FREM2: variants seen among roughly 807,000 people sequenced by gnomAD.
FREM2 encodes FRAS1 related extracellular matrix 2, also known as FRAS1-related extracellular matrix protein 2.
Under a neutral mutation model 219.9 loss-of-function variants are expected in FREM2, and 119 were observed. That is an observed-to-expected ratio of 0.54 (90% CI 0.47 to 0.63). FREM2 has a LOEUF of 0.63. Ranked by LOEUF, FREM2 falls within the 30% of genes least tolerant of loss-of-function variation. FREM2 has a pLI of 0.00. For missense variants in FREM2, 4,030 were observed against 3,993.6 expected, an observed-to-expected ratio of 1.01 and a Z score of -0.25; for synonymous variants, 1,562 against 1,522.8, an observed-to-expected ratio of 1.03 and a Z score of -0.60.
chr13:38,851,887 C>T lies in FREM2; in HGVS notation c.6925+19C>T, dbSNP rs369792264. On this transcript the variant is annotated intron_variant, in intron 11 of 23. Coordinates refer to ENST00000280481, the MANE Select transcript of FREM2 (RefSeq NM_207361.6). ...TCAGAAGGTATGGGGCTCCCAGGGCCTGTCTCCTGATGGATCATGCCAACT... is the reference window on the plus strand; with the variant it reads ...TCAGAAGGTATGGGGCTCCCAGGGCTTGTCTCCTGATGGATCATGCCAACT... 7 of 1,606,794 alleles carry T rather than the reference C, an allele frequency of 4.4e-6. No homozygotes were observed. The highest frequency in any genetic ancestry group is 1.1e-5 in the South Asian group (1 of 90,904).
rs977586153 is a variant in FREM2 at position 38,687,321 on chromosome 13, T to C, written c.-24T>C. On this transcript the variant is annotated 5_prime_UTR_variant, in exon 1 of 24. Coordinates refer to ENST00000280481, the MANE Select transcript of FREM2 (RefSeq NM_207361.6). ...GACTTCGCATGCTCTCAGGCTGACC[T>C]GTCCAAGCCCGAACACCGGGACCAT... 9 of 1,581,740 alleles carry C rather than the reference T, an allele frequency of 5.7e-6. No individual in the cohort carries two copies. The highest frequency in any genetic ancestry group is 7.7e-6 in the Non-Finnish European group (9 of 1,163,868).
In FREM2 at chr13:38,859,354, A is replaced by G; in HGVS notation, c.7283A>G (p.Asp2428Gly). ...ATCTGTGCAAGTGAGAACATCAATG[A>G]CACTTTGACGCGGTACCGGTGGCTG... ...GSICASENINDTLTRYRWLIS... is the reference protein window; with the variant it reads ...GSICASENINGTLTRYRWLIS... The change falls in exon 14 of 24, where the codon GAC (aspartate) becomes GGC (glycine). Residue 2428 changes from aspartate (D) to glycine (G), a missense_variant. By Grantham distance (94) the Asp-to-Gly change is moderately conservative. Around this residue, in one of 2 missense-constraint regions of FREM2, gnomAD observed 928 missense variants for 1,042.9 expected, o/e 0.89. Coordinates refer to ENST00000280481, the MANE Select transcript of FREM2 (RefSeq NM_207361.6). 1 of 1,614,152 alleles carries G rather than the reference A, an allele frequency of 6.2e-7. No homozygotes were observed. The highest frequency in any genetic ancestry group is 8.5e-7 in the Non-Finnish European group (1 of 1,180,032).
Position 38,688,728 on chromosome 13 carries a change from G to T in FREM2, c.1384G>T (p.Gly462Cys). The T allele has an allele frequency of 6.2e-7, 1 of 1,614,028 alleles. No homozygotes were observed. Among genetic ancestry groups the T allele is most frequent in the Non-Finnish European group, 8.5e-7 (1 of 1,179,934 alleles). Residue 462 changes from glycine to cysteine, a missense_variant, in exon 1 of 24, where the codon GGC becomes TGC. By Grantham distance (159) the Gly-to-Cys change is radical (BLOSUM62 -3). Around this residue, in one of 2 missense-constraint regions of FREM2, gnomAD observed 3,102 missense variants for 2,950.7 expected, o/e 1.05. Coordinates refer to ENST00000280481, the MANE Select transcript of FREM2 (RefSeq NM_207361.6). ...GQSRPLTGPA[G>C]SGPQNLVISD... ...GTCTCGGCCCCTCACAGGCCCTGCA[G>T]GCAGTGGTCCGCAAAACTTGGTCAT...
intron 11 of FREM2, among the ~76,000 whole-genome samples, chr13:38,854,709 A>G (rs1264685283): frequency 6.6e-6 from 1 of 152,152 alleles, no homozygotes; most frequent in African/African-American, 2.4e-5. Flanking sequence ...GGCTGATAGG[A>G]ATAGTTGCTG....
In FREM2 at chr13:38,884,258, CT is replaced by C. The variant is rs1181041455; in HGVS notation, c.*3475del. The stretch of plus-strand genomic sequence containing the variant: ...TTATCAAGTCATCTTACCTCTAATT[CT>C]TTTCCAGTGTGCCAACTCCAAAGTC... On this transcript the variant is annotated 3_prime_UTR_variant, in exon 24 of 24. Coordinates refer to ENST00000280481, the MANE Select transcript of FREM2 (RefSeq NM_207361.6). 6.6e-6 allele frequency: 1 copy of C among 152,178 alleles called. No homozygotes were observed. The highest frequency in any genetic ancestry group is 1.5e-5 in the Non-Finnish European group (1 of 68,024). The allele number at this position is 152,178 out of a possible 1,614,324, so 9.4% of individuals were successfully genotyped here. A position where few individuals can be genotyped will look rare whatever the true frequency, so the allele number is the denominator to read the frequency against.
chr13:38,779,707 A>G (rs917325838), intron 4 of FREM2, among the ~76,000 whole-genome samples: 2 of 152,110 alleles, frequency 1.3e-5, no homozygotes, highest in Non-Finnish European at 2.9e-5. Context: ...TCTTAAACCT[A>G]CTTATTCAGG....
intron 6 of FREM2, among the ~76,000 whole-genome samples, chr13:38,823,714 C>T (rs756752418): frequency 1.5e-4 from 23 of 152,010 alleles, no homozygotes; most frequent in Non-Finnish European, 2.8e-4. Context: ...TGAGCACTTT[C>T]CATGTGCAGG....
At chr13:38,791,584 A>G (rs1874562982) in intron 6 of FREM2, among the ~76,000 whole-genome samples, 1 of 152,216 alleles carries the variant, frequency 6.6e-6, no homozygotes, top group Non-Finnish European at 1.5e-5. Context: ...CTGGGGCAGC[A>G]GGAGAGAGTG....
chr13:38,753,092 G>A (rs892413406), intron 2 of FREM2, among the ~76,000 whole-genome samples: 3 of 152,162 alleles, frequency 2.0e-5, no homozygotes, highest in Admixed American at 1.3e-4. Context: ...CTTCCCCAGA[G>A]GGAGAAGAGG....
intron 4 of FREM2, among the ~76,000 whole-genome samples, chr13:38,770,262 T>A (rs1873610106): frequency 6.6e-6 from 1 of 150,880 alleles, no homozygotes; most frequent in African/African-American, 2.4e-5. Context: ...CTTGCTATGC[T>A]GCCCAGGCTG....
intron 6 of FREM2, among the ~76,000 whole-genome samples, chr13:38,838,560 A>G (rs1212905903): frequency 1.3e-5 from 2 of 152,176 alleles, no homozygotes; most frequent in Non-Finnish European, 2.9e-5. Flanking sequence ...TGTGTTTTCA[A>G]ACTTGGTTCT....
chr13:38,776,690 A>T (rs1291489056), intron 4 of FREM2, among the ~76,000 whole-genome samples: 1 of 152,112 alleles, frequency 6.6e-6, no homozygotes, highest in Non-Finnish European at 1.5e-5. Context: ...CGAATACAAG[A>T]TGTTAATAAT....
At chr13:38,760,342 C>A (rs376146294) in intron 2 of FREM2, among the ~76,000 whole-genome samples, 2 of 152,186 alleles carry the variant, frequency 1.3e-5, no homozygotes, top group African/African-American at 4.8e-5. Context: ...ATGTGTCATT[C>A]GAAACCTCTG....
intron 6 of FREM2, among the ~76,000 whole-genome samples, chr13:38,800,894 T>C (rs1874982294): frequency 6.6e-6 from 1 of 152,222 alleles, no homozygotes; most frequent in Non-Finnish European, 1.5e-5. Context: ...CCTCCCAAAG[T>C]GCTGGAATTA....
Position 38,784,778 on chromosome 13 carries a change from C to G in FREM2, c.5989C>G (p.Gln1997Glu). ...AATCGGATCAGAGTTCCCAGGGGCT[C>G]AAGTTACAATCGTTCCTGACAAAGA... ...GRIGSEFPGA[Q>E]VTIVPDKDDE... The change falls in exon 6 of 24, where the codon CAA becomes GAA. Residue 1997 changes from glutamine to glutamate, a missense_variant. Transcript: ENST00000280481. 1 of 1,614,122 alleles carries G rather than the reference C, an allele frequency of 6.2e-7. No individual in the cohort carries two copies. The highest frequency in any genetic ancestry group is 8.5e-7 in the Non-Finnish European group (1 of 1,180,006).
At chr13:38,867,891 T>A (rs1321729469) in intron 16 of FREM2, among the ~76,000 whole-genome samples, 1 of 152,252 alleles carries the variant, frequency 6.6e-6, no homozygotes, top group African/African-American at 2.4e-5. Flanking sequence ...TGAGTGAGGA[T>A]GGGTCTTCCT....
intron 6 of FREM2, among the ~76,000 whole-genome samples, chr13:38,795,268 A>G (rs939665811): frequency 2.0e-5 from 3 of 151,846 alleles, no homozygotes; most frequent in African/African-American, 7.3e-5. Context: ...TGGAGTAGGG[A>G]AAATGTTCAA....
At chr13:38,738,652 G>C (rs1872106455) in intron 2 of FREM2, among the ~76,000 whole-genome samples, 1 of 151,620 alleles carries the variant, frequency 6.6e-6, no homozygotes. Flanking sequence ...AAATGGTCTG[G>C]ATGAGTCTAC....
At chr13:38,860,189 G>A (rs577038669) in intron 14 of FREM2, among the ~76,000 whole-genome samples, 3 of 152,270 alleles carry the variant, frequency 2.0e-5, no homozygotes, top group Non-Finnish European at 2.9e-5. Context: ...TGGTTGTTGG[G>A]TGAGTAGGAT....
Sources: gnomAD v4.1 joint callset for allele counts (sites outside exome capture counted in the v4.1 genomes callset) on GRCh38, gnomAD v4.1.1 for gene constraint, gnomAD v4.1.1 regional missense constraint, MANE v1.5 for transcripts, NCBI Gene and HGNC (gene_info 2026-07-23, HGNC 2026-07-21) for gene names.